The following SORCS3 variants were observed in gnomAD, a reference collection of about 807,000 sequenced individuals.
The protein encoded by SORCS3 is VPS10 domain-containing receptor SorCS3.
SORCS3 carries 57 observed loss-of-function variants against 146.3 expected under a neutral mutation model. The ratio of observed to expected loss-of-function variants is 0.39; its 90% CI spans 0.31 to 0.49. The LOEUF (loss-of-function observed/expected upper bound fraction) is 0.49. Among genes scored for constraint, SORCS3 ranks in the 20% least tolerant of loss-of-function variants. The pLI is 0.92. For synonymous variants in SORCS3, 653 were observed against 618.5 expected (o/e 1.06, Z -0.83); for missense variants, 1,341 against 1,575.5 (o/e 0.85, Z 2.52).
At chr10:104,809,579 T>C (rs542108709) in intron 1 of SORCS3, among the ~76,000 whole-genome samples, 2 of 152,334 alleles carry the variant, frequency 1.3e-5, no homozygotes, top group South Asian at 2.1e-4. Context: ...TGACTCTTGA[T>C]TGAAGCTCAA....
At chr10:105,155,622 G>A (rs1256665946) in intron 9 of SORCS3, among the ~76,000 whole-genome samples, 1 of 152,210 alleles carries the variant, frequency 6.6e-6, no homozygotes, top group Non-Finnish European at 1.5e-5. Context: ...AGACTGAGGT[G>A]ATCTGAGGGG....
Position 104,842,918 on chromosome 10 carries a change from A to G in SORCS3, c.695+59A>G, listed in dbSNP as rs80172241. 1.8e-3 allele frequency: 2,457 copies of G among 1,349,662 alleles called. 29 individuals carry two copies. In the African/African-American group the frequency reaches 0.031, roughly 17 times the overall value. 83.6% of individuals were successfully genotyped at this position (1,349,662 alleles called of 1,614,324 possible). On this transcript the variant is annotated intron_variant, in intron 2 of 26. Transcript: ENST00000369701. ...TGGCTTGGCTCACATGAGAAACGCA[A>G]GCTAAGCAGTTGGGAAGTGTGGACT...
chr10:105,012,561 C>T (rs1299536922), intron 4 of SORCS3, among the ~76,000 whole-genome samples: 2 of 151,992 alleles, frequency 1.3e-5, no homozygotes, highest in African/African-American at 4.8e-5. Flanking sequence ...CTAGTCATTC[C>T]CCCAATAACA....
In SORCS3 at chr10:105,201,174, G is replaced by T; in HGVS notation, c.2182G>T (p.Ala728Ser). Residue 728 changes from alanine to serine, a missense_variant, in exon 16 of 27, where the codon GCT becomes TCT. By Grantham distance (99) the Ala-to-Ser change is moderately conservative. Transcript: ENST00000369701. The stretch of plus-strand genomic sequence containing the variant: ...AATATTCAAGAAACGTAAGCCAGGA[G>T]CTCAGTGTGCCCTGGGCCGAGACCA... ...RKIFKKRKPG[A>S]QCALGRDHSG... 1 of 1,612,920 alleles carries T rather than the reference G, an allele frequency of 6.2e-7. No individual in the cohort carries two copies. The highest frequency in any genetic ancestry group is 8.5e-7 in the Non-Finnish European group (1 of 1,179,424).
chr10:105,212,025 T>G (rs183185466), intron 17 of SORCS3, among the ~76,000 whole-genome samples: 38 of 152,338 alleles, frequency 2.5e-4, no homozygotes, highest in African/African-American at 8.2e-4. Context: ...AGAGTTGTTC[T>G]GGATGCCAGT....
intron 4 of SORCS3, among the ~76,000 whole-genome samples, chr10:105,041,344 A>G (rs2133703175): frequency 6.8e-6 from 1 of 148,128 alleles, no homozygotes; most frequent in African/African-American, 2.5e-5. Flanking sequence ...ACTCAAACCT[A>G]TAACACAGCT....
intron 8 of SORCS3, among the ~76,000 whole-genome samples, chr10:105,144,063 C>A (rs1026874114): frequency 6.6e-6 from 1 of 152,160 alleles, no homozygotes; most frequent in Admixed American, 6.6e-5. Flanking sequence ...TCTAATCATG[C>A]CTTTCTCTTG....
At chr10:104,730,503 C>T (rs563092783) in intron 1 of SORCS3, among the ~76,000 whole-genome samples, 1 of 152,200 alleles carries the variant, frequency 6.6e-6, no homozygotes, top group South Asian at 2.1e-4. Flanking sequence ...CAGCCACTGA[C>T]CAGATAGGAC....
intron 9 of SORCS3, among the ~76,000 whole-genome samples, chr10:105,150,647 A>G (rs1338951788): frequency 6.6e-6 from 1 of 152,196 alleles, no homozygotes; most frequent in Non-Finnish European, 1.5e-5. Context: ...AGGGACAAGA[A>G]TGAGGGCTGG....
In SORCS3 at chr10:105,255,663, A is replaced by C. The variant is rs1305453093; in HGVS notation, c.3238-39A>C. 3 of 1,408,544 alleles carry C rather than the reference A, an allele frequency of 2.1e-6. No individual in the cohort carries two copies. The East Asian group carries it at 6.8e-5, about 32-fold the overall frequency. The allele number at this position is 1,408,544 out of a possible 1,614,324, so 87.3% of individuals were successfully genotyped here. A position where few individuals can be genotyped will look rare whatever the true frequency, so the allele number is the denominator to read the frequency against. On this transcript the variant is annotated intron_variant, in intron 23 of 26. Coordinates refer to ENST00000369701, the MANE Select transcript of SORCS3 (RefSeq NM_014978.3). ...TTACCCCATGAGGGAGCATCATTGC[A>C]TGTCATGTCACCCCATGCATCCTGT...
chr10:104,734,080 C>T (rs2016740199), intron 1 of SORCS3, among the ~76,000 whole-genome samples: 1 of 152,014 alleles, frequency 6.6e-6, no homozygotes, highest in African/African-American at 2.4e-5. Context: ...ATTTGTGTCT[C>T]TGTGTGTGTG....
chr10:105,016,134 A>AATATATATATATATAT (rs1355412638), intron 4 of SORCS3, among the ~76,000 whole-genome samples: 81 of 113,562 alleles, frequency 7.1e-4, no homozygotes, highest in South Asian at 1.1e-3. Context: ...ATATTATATA[A>AATATATATATATATAT]ATATATATAT....
chr10:104,704,163 C>A (rs1457332064), intron 1 of SORCS3, among the ~76,000 whole-genome samples: 3 of 126,632 alleles, frequency 2.4e-5, no homozygotes, highest in African/African-American at 8.8e-5. Context: ...AAGTTTCCTT[C>A]TATGACTTTT....
intron 1 of SORCS3, among the ~76,000 whole-genome samples, chr10:104,837,876 G>A (rs907506475): frequency 2.6e-5 from 4 of 152,294 alleles, no homozygotes; most frequent in African/African-American, 9.6e-5. Context: ...CACTTACTGA[G>A]TAGAGGAGCA....
In SORCS3 at chr10:105,201,256, G is replaced by A; in HGVS notation, c.2261+3G>A. ...TGTGCCAATTGGGACTTCGAGTGGT[G>A]AGTTGTTTGGCATTTCATTACCAAT... On this transcript the variant is annotated splice_donor_region_variant and intron_variant, in intron 16 of 26. Transcript: ENST00000369701. The A allele has an allele frequency of 5.0e-6, 8 of 1,602,982 alleles. No individual in the cohort carries two copies. Among genetic ancestry groups the A allele is most frequent in the Non-Finnish European group, 6.8e-6 (8 of 1,175,818 alleles).
chr10:104,648,747 T>C (rs1171295476), intron 1 of SORCS3, among the ~76,000 whole-genome samples: 6 of 152,246 alleles, frequency 3.9e-5, no homozygotes, highest in South Asian at 4.1e-4. Flanking sequence ...GATTTAATTA[T>C]TTATAGAAAT....
At chr10:104,866,469 C>T (rs773140677) in intron 2 of SORCS3, among the ~76,000 whole-genome samples, 7 of 151,932 alleles carry the variant, frequency 4.6e-5, no homozygotes, top group Non-Finnish European at 1.0e-4. Context: ...TTAAAAAAAA[C>T]CTAGGTACTT....
intron 1 of SORCS3, among the ~76,000 whole-genome samples, chr10:104,700,514 C>T (rs2016268191): frequency 6.6e-6 from 1 of 152,108 alleles, no homozygotes; most frequent in Admixed American, 6.5e-5. Context: ...AATTGTTGAC[C>T]CCACTTGGAT....
At chr10:104,708,327 C>T (rs2016371370) in intron 1 of SORCS3, among the ~76,000 whole-genome samples, 1 of 152,180 alleles carries the variant, frequency 6.6e-6, no homozygotes, top group South Asian at 2.1e-4. Context: ...TCACCTGGTG[C>T]AGCCTTCCTG....
Sources: gnomAD v4.1 joint callset for allele counts (sites outside exome capture counted in the v4.1 genomes callset) on GRCh38, gnomAD v4.1.1 for gene constraint, MANE v1.5 for transcripts, NCBI Gene and HGNC (gene_info 2026-07-23, HGNC 2026-07-21) for gene names.